The following PLPPR1 variants were observed in gnomAD, a reference collection of about 807,000 sequenced individuals.
PLPPR1 encodes the protein phospholipid phosphatase related 1, also known as phospholipid phosphatase-related protein type 1.
Under a neutral mutation model 33.1 loss-of-function variants are expected in PLPPR1, and 10 were observed. That is an observed-to-expected ratio of 0.30 (90% CI 0.19 to 0.51). The LOEUF is 0.51. Ranked by LOEUF, PLPPR1 falls within the 20% of genes least tolerant of loss-of-function variation. The pLI is 0.97. For missense variants in PLPPR1, 304 were observed against 408.1 expected (o/e 0.74, Z 2.20); for synonymous variants, 151 against 151.0 (o/e 1.00, Z 0.00).
In PLPPR1 at chr9:101,322,510, T is replaced by G. The variant is rs181754112; in HGVS notation, c.946-1515T>G. ...TGTCCTTGAGCTTTCTGTCTGATTG[T>G]GGCAGCCAAGATTGAATAGAGGAGT... is the stretch of plus-strand genomic sequence containing the variant. On this transcript the variant is annotated intron_variant, in intron 7 of 7. Transcript: ENST00000374874. 17 of 152,258 alleles carry G rather than the reference T, an allele frequency of 1.1e-4. No individual in the cohort carries two copies. In the East Asian group the frequency reaches 3.1e-3, roughly 28 times the overall value. 9.4% of individuals were successfully genotyped at this position (152,258 alleles called of 1,614,324 possible).
At chr9:101,209,350 C>T (rs751825567) in intron 2 of PLPPR1, among the ~76,000 whole-genome samples, 15 of 152,182 alleles carry the variant, frequency 9.9e-5, no homozygotes, top group Non-Finnish European at 2.1e-4. Context: ...GAATTTTTCC[C>T]GTCTGGCAGA....
At chr9:101,153,641 G>A (rs531398672) in intron 1 of PLPPR1, among the ~76,000 whole-genome samples, 1 of 152,214 alleles carries the variant, frequency 6.6e-6, no homozygotes, top group African/African-American at 2.4e-5. Context: ...GTGGCACAAT[G>A]TTGGCTCACT....
rs35688096 is a variant in PLPPR1, at chr9:101,050,124, G to GAAAAA, written c.-46+21042_-46+21046dup. On this transcript the variant is annotated intron_variant, in intron 1 of 7. Transcript: ENST00000374874. The stretch of plus-strand genomic sequence containing the variant: ...TGCAACAGAGTGAGACTCCAACTCA[G>GAAAAA]AAAAAAAAAAAAAAAAAAAAAAAAG... Among the ~76,000 whole-genome samples the GAAAAA allele has an allele frequency of 3.1e-3, 109 of 35,174 alleles. 1 individual carries two copies. Among genetic ancestry groups the GAAAAA allele is most frequent in the African/African-American group, 8.0e-3 (99 of 12,390 alleles). 23.1% of individuals were successfully genotyped at this position (35,174 alleles called of 152,430 possible). A position where few individuals can be genotyped will look rare whatever the true frequency, so the allele number is the denominator to read the frequency against.
At chr9:101,172,079 T>C (rs1385721431) in intron 1 of PLPPR1, among the ~76,000 whole-genome samples, 1 of 152,170 alleles carries the variant, frequency 6.6e-6, no homozygotes, top group Non-Finnish European at 1.5e-5. Flanking sequence ...ATTCTAGCCA[T>C]AATCTCATTT....
At chr9:101,045,365 T>C (rs187287371) in intron 1 of PLPPR1, among the ~76,000 whole-genome samples, 10 of 152,320 alleles carry the variant, frequency 6.6e-5, no homozygotes, top group Middle Eastern at 3.4e-3. Flanking sequence ...TATTTAAGTA[T>C]GTATTAAATA....
At chr9:101,075,232 A>G (rs1237914098) in intron 1 of PLPPR1, among the ~76,000 whole-genome samples, 1 of 152,212 alleles carries the variant, frequency 6.6e-6, no homozygotes, top group Non-Finnish European at 1.5e-5. Context: ...TAAGAGTCAT[A>G]TGCCTGAGAT....
rs372316470 is a variant in PLPPR1, at chr9:101,219,301, C to T, written c.63+33744C>T. 2.5e-4 allele frequency among the ~76,000 whole-genome samples: 38 copies of T among 152,302 alleles called. 1 individual carries two copies. The South Asian group carries it at 3.1e-3, about 12-fold the overall frequency. ...CCAAGTGTAGGAGGTGGGTACATAA[C>T]ACTGAATTCACTCCAGCTACCTGGT... is the stretch of plus-strand genomic sequence containing the variant. On this transcript the variant is annotated intron_variant, in intron 2 of 7. Transcript: ENST00000374874.
intron 1 of PLPPR1, among the ~76,000 whole-genome samples, chr9:101,161,831 T>A (rs1831778322): frequency 6.6e-6 from 1 of 152,192 alleles, no homozygotes; most frequent in Non-Finnish European, 1.5e-5. Context: ...ATTCATGGGA[T>A]ATGTTTTTAC....
chr9:101,108,724 C>T (rs1831010818), intron 1 of PLPPR1, among the ~76,000 whole-genome samples: 1 of 152,174 alleles, frequency 6.6e-6, no homozygotes, highest in African/African-American at 2.4e-5. Context: ...CCACTTCATG[C>T]CATAAATTAA....
chr9:101,307,117 A>G (rs1028616822), intron 4 of PLPPR1, among the ~76,000 whole-genome samples: 3 of 152,208 alleles, frequency 2.0e-5, no homozygotes, highest in African/African-American at 7.2e-5. Flanking sequence ...TCCTGAAGCC[A>G]GCAGAAGAAA....
At chr9:101,232,241 T>C (rs926049560) in intron 2 of PLPPR1, among the ~76,000 whole-genome samples, 2 of 152,050 alleles carry the variant, frequency 1.3e-5, no homozygotes, top group African/African-American at 4.8e-5. Flanking sequence ...TTGCAGGTCT[T>C]TGAGCCTCAC....
intron 1 of PLPPR1, among the ~76,000 whole-genome samples, chr9:101,039,203 G>C (rs901868996): frequency 1.3e-5 from 2 of 152,126 alleles, no homozygotes; most frequent in Non-Finnish European, 2.9e-5. Context: ...TAAGAGCTTG[G>C]ACTAGAGCGT....
intron 2 of PLPPR1, among the ~76,000 whole-genome samples, chr9:101,216,457 A>C (rs554471132): frequency 6.6e-6 from 1 of 152,162 alleles, no homozygotes; most frequent in South Asian, 2.1e-4. Flanking sequence ...TAGTTTGTAA[A>C]TATTTTCTCC....
chr9:101,086,138 T>G (rs1294229027), intron 1 of PLPPR1, among the ~76,000 whole-genome samples: 1 of 152,196 alleles, frequency 6.6e-6, no homozygotes, highest in Non-Finnish European at 1.5e-5. Context: ...TGTTCATTTG[T>G]CTACTGTCTT....
chr9:101,198,406 T>G (rs539523183), intron 2 of PLPPR1, among the ~76,000 whole-genome samples: 1 of 152,348 alleles, frequency 6.6e-6, no homozygotes, highest in Non-Finnish European at 1.5e-5. Context: ...ATACAACTGA[T>G]TATTAACGGA....
chr9:101,316,767 C>A (rs1231638556), intron 6 of PLPPR1, among the ~76,000 whole-genome samples: 1 of 152,056 alleles, frequency 6.6e-6, no homozygotes, highest in Non-Finnish European at 1.5e-5. Context: ...AGCAAATAGT[C>A]ATAATCTGAA....
At chr9:101,031,251 T>A (rs1307675272) in intron 1 of PLPPR1, among the ~76,000 whole-genome samples, 1 of 152,222 alleles carries the variant, frequency 6.6e-6, no homozygotes, top group Non-Finnish European at 1.5e-5. Context: ...TTATTTGCTT[T>A]GTTACTATAT....
At chr9:101,092,910 T>C (rs1830765089) in intron 1 of PLPPR1, among the ~76,000 whole-genome samples, 1 of 152,160 alleles carries the variant, frequency 6.6e-6, no homozygotes, top group African/African-American at 2.4e-5. Context: ...AGCTTACTCT[T>C]CCTCTCTTCT....
chr9:101,169,740 A>AT (rs1825912403), intron 1 of PLPPR1, among the ~76,000 whole-genome samples: 1 of 152,172 alleles, frequency 6.6e-6, no homozygotes, highest in South Asian at 2.1e-4. Context: ...ATCTAAAGTG[A>AT]TTTTTTTCAT....
Sources: gnomAD v4.1 joint callset for allele counts (sites outside exome capture counted in the v4.1 genomes callset) on GRCh38, gnomAD v4.1.1 for gene constraint, MANE v1.5 for transcripts, NCBI Gene and HGNC (gene_info 2026-07-23, HGNC 2026-07-21) for gene names.